M1AP: variants seen among roughly 807,000 people sequenced by gnomAD.
The protein encoded by M1AP is meiosis 1 arrest protein.
M1AP carries 39 observed loss-of-function variants against 51.2 expected under a neutral mutation model. The ratio of observed to expected loss-of-function variants is 0.76; its 90% confidence interval spans 0.59 to 1.00. The LOEUF (loss-of-function observed/expected upper bound fraction) is 1.00, where lower values mean the gene tolerates loss of function less well. Ranked by LOEUF, M1AP falls within the 50% of genes least tolerant of loss-of-function variation. M1AP has a pLI of 0.00. For missense variants in M1AP, 545 were observed against 641.2 expected (o/e 0.85, Z 1.62); for synonymous variants, 251 against 249.2 (o/e 1.01, Z -0.07).
chr2:74,611,934 C>T (rs1443787584), intron 3 of M1AP, among the ~76,000 whole-genome samples: 4 of 102,358 alleles, frequency 3.9e-5, no homozygotes, highest in African/African-American at 1.5e-4. Flanking sequence ...CACTCTGTCG[C>T]CCAGGCAGGA....
At chr2:74,571,159 G>A (rs1376313676) in intron 7 of M1AP, among the ~76,000 whole-genome samples, 1 of 152,230 alleles carries the variant, frequency 6.6e-6, no homozygotes, top group Admixed American at 6.5e-5. Context: ...AGGGAAGCCA[G>A]TTAGGAGTTT....
intron 2 of M1AP, among the ~76,000 whole-genome samples, chr2:74,621,260 C>CGACA (rs879392379): frequency 6.6e-5 from 10 of 150,518 alleles, no homozygotes; most frequent in Non-Finnish European, 1.0e-4. Flanking sequence ...CCAGCCTGGG[C>CGACA]GACAGAGCGA....
intron 2 of M1AP, among the ~76,000 whole-genome samples, chr2:74,620,321 A>C (rs1398834763): frequency 6.6e-6 from 1 of 152,250 alleles, no homozygotes; most frequent in Non-Finnish European, 1.5e-5. Flanking sequence ...AGAGGAACAA[A>C]GGGAATAAAA....
At chr2:74,574,133 A>G (rs965354939) in intron 7 of M1AP, among the ~76,000 whole-genome samples, 3 of 152,240 alleles carry the variant, frequency 2.0e-5, no homozygotes, top group African/African-American at 7.2e-5. Flanking sequence ...TCTGATAGTG[A>G]AAGAGATGCA....
At chr2:74,579,116 T>G (rs1001372865) in intron 5 of M1AP, among the ~76,000 whole-genome samples, 3 of 152,192 alleles carry the variant, frequency 2.0e-5, no homozygotes, top group Non-Finnish European at 4.4e-5. Context: ...GACCTACAGA[T>G]TTCTGAAAAA....
intron 2 of M1AP, among the ~76,000 whole-genome samples, chr2:74,616,676 A>G (rs72818098): frequency 0.014 from 2,195 of 152,252 alleles, 23 homozygotes; most frequent in Non-Finnish European, 0.024. Flanking sequence ...TCTAAGGGGC[A>G]CTCTAGATTG....
chr2:74,646,830 G>T (rs1327241634), intron 1 of M1AP, among the ~76,000 whole-genome samples: 1 of 152,064 alleles, frequency 6.6e-6, no homozygotes, highest in East Asian at 1.9e-4. Context: ...TTTCCCATTG[G>T]TGTTTAAGAT....
intron 4 of M1AP, among the ~76,000 whole-genome samples, chr2:74,589,585 G>A (rs1679922002): frequency 1.3e-5 from 2 of 152,220 alleles, no homozygotes. Context: ...ACATGTCCCA[G>A]CCCAGCTTTA....
rs779814442 is a variant in M1AP at position 74,562,379 on chromosome 2, T to TG, written c.1118dup (p.Gly374ArgfsTer43). The TG allele has an allele frequency of 6.2e-7, 1 of 1,614,152 alleles. No homozygotes were observed. The highest frequency in any genetic ancestry group is 8.5e-7 in the Non-Finnish European group (1 of 1,180,046). On this transcript the variant is annotated frameshift_variant, in exon 8 of 11. Transcript: ENST00000421985. LOFTEE classifies it high-confidence loss of function. ...TGGCAGGAATTCTCTGGCTGTGTCC[T>TG]GGGCCCGGTGGTTCCCCCTTGGCTA...
intron 5 of M1AP, among the ~76,000 whole-genome samples, chr2:74,579,100 C>G (rs1173527656): frequency 6.6e-6 from 1 of 152,166 alleles, no homozygotes; most frequent in African/African-American, 2.4e-5. Context: ...CACTGTGCAT[C>G]CCGAAGACCT....
At chr2:74,594,116 C>T (rs996107252) in intron 4 of M1AP, among the ~76,000 whole-genome samples, 2 of 152,182 alleles carry the variant, frequency 1.3e-5, no homozygotes, top group South Asian at 2.1e-4. Flanking sequence ...ACTGCAGGCA[C>T]AACAGGTTGC....
At chr2:74,572,340 C>G (rs1678796303) in intron 7 of M1AP, among the ~76,000 whole-genome samples, 1 of 152,128 alleles carries the variant, frequency 6.6e-6, no homozygotes, top group Non-Finnish European at 1.5e-5. Flanking sequence ...TTTCCCACCC[C>G]CCCTAAGCAG....
intron 1 of M1AP, among the ~76,000 whole-genome samples, chr2:74,641,520 CTAAA>C (rs1332991205): frequency 2.6e-5 from 4 of 152,082 alleles, no homozygotes; most frequent in African/African-American, 7.2e-5. Flanking sequence ...TTTTAGAAAC[CTAAA>C]TAGTCTATAA....
chr2:74,564,709 T>C (rs1187244300), intron 7 of M1AP, among the ~76,000 whole-genome samples: 2 of 151,982 alleles, frequency 1.3e-5, no homozygotes, highest in East Asian at 3.9e-4. Flanking sequence ...CAAATCATGG[T>C]GTGTGTGTAT....
chr2:74,645,770 G>C (rs1683574638), intron 1 of M1AP, among the ~76,000 whole-genome samples: 1 of 152,174 alleles, frequency 6.6e-6, no homozygotes, highest in Non-Finnish European at 1.5e-5. Flanking sequence ...CACAGTTGCA[G>C]TACCTCTGCT....
At chr2:74,596,586 GAACAACAACAACAAC>G (rs202200009) in intron 4 of M1AP, among the ~76,000 whole-genome samples, 12 of 150,576 alleles carry the variant, frequency 8.0e-5, no homozygotes, top group Non-Finnish European at 1.3e-4. Flanking sequence ...CATCTCAAAA[GAACAACAACAACAAC>G]AACAACAACA....
intron 4 of M1AP, among the ~76,000 whole-genome samples, chr2:74,598,621 CTTTTTTTTTT>C (rs534856535): frequency 8.7e-6 from 1 of 114,400 alleles, no homozygotes; most frequent in African/African-American, 3.9e-5. Context: ...TGTATATCAA[CTTTTTTTTTT>C]TTTTTTTTTT....
intron 2 of M1AP, among the ~76,000 whole-genome samples, chr2:74,616,446 A>G (rs895309472): frequency 6.6e-6 from 1 of 152,204 alleles, no homozygotes; most frequent in African/African-American, 2.4e-5. Flanking sequence ...TTCAGTGTTA[A>G]AAGTACATGA....
intron 2 of M1AP, among the ~76,000 whole-genome samples, chr2:74,617,067 T>C (rs1681711422): frequency 6.6e-6 from 1 of 152,254 alleles, no homozygotes; most frequent in African/African-American, 2.4e-5. Context: ...GAATATGTAC[T>C]AAAAATTTTA....
Sources: gnomAD v4.1 joint callset for allele counts (sites outside exome capture counted in the v4.1 genomes callset) on GRCh38, gnomAD v4.1.1 for gene constraint, MANE v1.5 for transcripts, NCBI Gene and HGNC (gene_info 2026-07-23, HGNC 2026-07-21) for gene names.